Variants in MAP3K13 observed in about 807,000 individuals in gnomAD.
MAP3K13 encodes the protein mitogen-activated protein kinase kinase kinase 13.
A neutral mutation model predicts 104.0 loss-of-function variants in MAP3K13; 52 were observed. The observed-to-expected ratio is 0.50, with a 90% CI of 0.40 to 0.63. The LOEUF is 0.63. Among genes scored for constraint, MAP3K13 ranks in the 20% least tolerant of loss-of-function variants. MAP3K13 has a pLI of 0.00. For missense variants in MAP3K13, 914 were observed against 1,218.5 expected (o/e 0.75, Z 3.72); for synonymous variants, 394 against 442.2 (o/e 0.89, Z 1.37).
At chr3:185,343,016 C>T (rs1009907346) in intron 2 of MAP3K13, among the ~76,000 whole-genome samples, 3 of 152,116 alleles carry the variant, frequency 2.0e-5, no homozygotes, top group African/African-American at 7.2e-5. Flanking sequence ...TGGCTAAAGT[C>T]TGCCCTTAGG....
chr3:185,453,352 G>C (rs576299504), intron 7 of MAP3K13, among the ~76,000 whole-genome samples: 1 of 152,148 alleles, frequency 6.6e-6, no homozygotes, highest in African/African-American at 2.4e-5. Context: ...CAAAGATTCA[G>C]TCTCAGAAAA....
intron 1 of MAP3K13, among the ~76,000 whole-genome samples, chr3:185,424,162 G>A (rs747583064): frequency 6.6e-6 from 1 of 152,066 alleles, no homozygotes; most frequent in Non-Finnish European, 1.5e-5. Context: ...AAAATAACCC[G>A]GTATTTCATC....
intron 2 of MAP3K13, among the ~76,000 whole-genome samples, chr3:185,307,546 C>CCCCCCCCCCCCCCCCCA (rs58408265): frequency 3.8e-5 from 4 of 104,078 alleles, no homozygotes; most frequent in Non-Finnish European, 5.4e-5. Context: ...GCACCACCCC[C>CCCCCCCCCCCCCCCCCA]TCCCCCGCCA....
Position 185,410,342 on chromosome 3 carries a change from G to GCC in MAP3K13, c.-85-18154_-85-18153insCC, listed in dbSNP as rs141758341. Among the ~76,000 whole-genome samples the GCC allele has an allele frequency of 2.5e-3, 388 of 152,276 alleles. 2 individuals carry two copies. In the East Asian group the frequency reaches 0.058, roughly 23 times the overall value. On this transcript the variant is annotated intron_variant, in intron 1 of 13. Transcript: ENST00000265026. ...AAGAGCAGAACAGAGGATTCTAGAGGCTGGGGAGGATAGACAGGGAGGGAT... is the reference window on the plus strand; with the variant it reads ...AAGAGCAGAACAGAGGATTCTAGAGGCCCTGGGGAGGATAGACAGGGAGGGAT...
At chr3:185,480,983 T>G (rs941348168) in intron 13 of MAP3K13, among the ~76,000 whole-genome samples, 1 of 152,082 alleles carries the variant, frequency 6.6e-6, no homozygotes, top group Admixed American at 6.6e-5. Context: ...CAATTCAACA[T>G]GAGATTTGGG....
At chr3:185,383,454 C>T (rs989859463) in intron 1 of MAP3K13, among the ~76,000 whole-genome samples, 23 of 151,368 alleles carry the variant, frequency 1.5e-4, no homozygotes, top group African/African-American at 4.6e-4. Context: ...CCCAGCTACT[C>T]GGGAGGCTGA....
At chr3:185,457,255 A>C (rs967645505) in intron 7 of MAP3K13, among the ~76,000 whole-genome samples, 1 of 152,192 alleles carries the variant, frequency 6.6e-6, no homozygotes, top group South Asian at 2.1e-4. Flanking sequence ...AGGAGAGGAG[A>C]GAACAGGAGA....
intron 2 of MAP3K13, among the ~76,000 whole-genome samples, chr3:185,310,715 AAG>A (rs1196737841): frequency 1.3e-5 from 2 of 152,252 alleles, no homozygotes; most frequent in Non-Finnish European, 2.9e-5. Context: ...AAGAGAAAAA[AAG>A]AGTGATATGG....
chr3:185,429,255 C>A (rs1461320133), intron 2 of MAP3K13, among the ~76,000 whole-genome samples, 199 bp downstream of exon 2: 1 of 152,102 alleles, frequency 6.6e-6, no homozygotes, highest in Non-Finnish European at 1.5e-5. Flanking sequence ...GGTTGTAGCC[C>A]ATCTTTTGTG....
At chr3:185,461,884 AT>A (rs11419847) in intron 7 of MAP3K13, among the ~76,000 whole-genome samples, 3 of 151,706 alleles carry the variant, frequency 2.0e-5, no homozygotes, top group African/African-American at 7.3e-5. Flanking sequence ...GATTGCTATT[AT>A]TTTTTTTAAT....
At chr3:185,385,534 A>T (rs1475357647) in intron 1 of MAP3K13, among the ~76,000 whole-genome samples, 3 of 152,174 alleles carry the variant, frequency 2.0e-5, no homozygotes, top group African/African-American at 7.2e-5. Context: ...TTCCAAAAAA[A>T]ATGAAGAGGA....
At chr3:185,287,923 G>A (rs1007379873) in intron 2 of MAP3K13, among the ~76,000 whole-genome samples, 1 of 152,158 alleles carries the variant, frequency 6.6e-6, no homozygotes, top group Non-Finnish European at 1.5e-5. Flanking sequence ...TGTAATCCCA[G>A]CTACTTGGGA....
At position 185,418,967 on chromosome 3, in the gene MAP3K13, G is replaced by C. The variant is rs888241488; in HGVS notation, c.-85-9530G>C. Among the ~76,000 whole-genome samples the C allele has an allele frequency of 6.6e-6, 1 of 151,702 alleles. No individual in the cohort carries two copies. Among genetic ancestry groups the C allele is most frequent in the African/African-American group, 2.4e-5 (1 of 41,324 alleles). On this transcript the variant is annotated intron_variant, in intron 1 of 13. Coordinates refer to ENST00000265026, the MANE Select transcript of MAP3K13 (RefSeq NM_004721.5). This position sits in a 1 kb window ranked among gnomAD's most constrained non-coding sequence, Gnocchi z 4.5. ...AAATAGGAGTCATTAACTTTTGTTT[G>C]CTCATTGTCGTCTTTTTAAGTTCAC... is the stretch of plus-strand genomic sequence containing the variant.
intron 2 of MAP3K13, among the ~76,000 whole-genome samples, chr3:185,310,471 T>C (rs1191955947): frequency 6.6e-6 from 1 of 152,070 alleles, no homozygotes; most frequent in Non-Finnish European, 1.5e-5. Flanking sequence ...TTAATTATGA[T>C]TGATATATTA....
At chr3:185,411,387 A>G (rs1713435295) in intron 1 of MAP3K13, among the ~76,000 whole-genome samples, 1 of 152,230 alleles carries the variant, frequency 6.6e-6, no homozygotes, top group Non-Finnish European at 1.5e-5. Flanking sequence ...GTTATTTTGC[A>G]CACAGTTCTA....
intron 1 of MAP3K13, among the ~76,000 whole-genome samples, chr3:185,389,404 A>G (rs1489342721): frequency 1.3e-5 from 2 of 152,180 alleles, no homozygotes; most frequent in Non-Finnish European, 2.9e-5. Context: ...CAGGGGTTAA[A>G]TGAGATAAGG....
intron 12 of MAP3K13, 143 bp downstream of exon 12, chr3:185,477,539 C>G: frequency 3.1e-6 from 2 of 648,268 alleles, no homozygotes; most frequent in Admixed American, 5.4e-5. Flanking sequence ...TCATGTTTTC[C>G]TGTTGCTACA....
chr3:185,393,379 G>T (rs546208179), intron 1 of MAP3K13, among the ~76,000 whole-genome samples: 6 of 152,118 alleles, frequency 3.9e-5, no homozygotes, highest in Admixed American at 2.0e-4. Flanking sequence ...ATTACATTCC[G>T]CCAGAAGGCA....
chr3:185,441,140 T>A (rs947954577), intron 3 of MAP3K13, among the ~76,000 whole-genome samples: 1 of 152,182 alleles, frequency 6.6e-6, no homozygotes, highest in Non-Finnish European at 1.5e-5. Flanking sequence ...CTAGTTGTGA[T>A]TAGGACAAGT....
Sources: allele counts gnomAD v4.1 joint callset (sites outside exome capture counted in the v4.1 genomes callset), GRCh38; gene constraint gnomAD v4.1.1; non-coding constraint Gnocchi (gnomAD v3.1); transcripts MANE v1.5; gene names NCBI Gene and HGNC (gene_info 2026-07-23, HGNC 2026-07-21).